GSK3B: variants seen among roughly 807,000 people sequenced by gnomAD.
GSK3B encodes glycogen synthase kinase 3 beta, also known as glycogen synthase kinase-3 beta.
Under a neutral mutation model 56.4 loss-of-function variants are expected in GSK3B, and 15 were observed. The observed-to-expected ratio is 0.27, with a 90% CI of 0.18 to 0.41. The LOEUF (loss-of-function observed/expected upper bound fraction) is 0.41. GSK3B is among the 10% of genes least tolerant of loss of function. The probability of loss-of-function intolerance (pLI) is 1.00; values close to 1 mark genes in which losing one functional copy is unlikely to be tolerated. For synonymous variants in GSK3B, 181 were observed against 188.9 expected (o/e 0.96, Z 0.34); for missense variants, 300 against 513.4 (o/e 0.58, Z 4.02).
At chr3:120,041,579 T>C (rs1163529704) in intron 1 of GSK3B, 1 of 160,664 alleles carries the variant, frequency 6.2e-6, no homozygotes, top group African/African-American at 2.4e-5. Flanking sequence ...TGTATGAGTA[T>C]GAGGCTACTC....
At chr3:119,956,131 G>C (rs115950158) in intron 2 of GSK3B, among the ~76,000 whole-genome samples, 5,506 of 152,280 alleles carry the variant, frequency 0.036, 116 homozygotes, top group Non-Finnish European at 0.055. Flanking sequence ...GTAAATAGAA[G>C]GAGGGAGGTG....
intron 4 of GSK3B, 132 bp downstream of exon 4, chr3:119,923,241 T>A (rs2056860662): frequency 2.0e-6 from 1 of 495,468 alleles, no homozygotes; most frequent in African/African-American, 2.0e-5. Flanking sequence ...TTAACAAAGT[T>A]CCAACAATAC....
chr3:119,896,058 G>A (rs547773797), intron 7 of GSK3B, among the ~76,000 whole-genome samples: 83 of 151,124 alleles, frequency 5.5e-4, no homozygotes, highest in Non-Finnish European at 6.0e-4. Flanking sequence ...AGCCAAGAAG[G>A]TGCAGGCTAC....
intron 2 of GSK3B, among the ~76,000 whole-genome samples, chr3:119,989,364 T>C (rs900583901): frequency 3.0e-4 from 45 of 152,176 alleles, no homozygotes; most frequent in African/African-American, 1.1e-3. Flanking sequence ...GAAATCTTGC[T>C]AGGTGAAGTA....
chr3:119,882,841 A>T (rs1210484626), intron 7 of GSK3B, among the ~76,000 whole-genome samples: 1 of 152,144 alleles, frequency 6.6e-6, no homozygotes, highest in Non-Finnish European at 1.5e-5. Context: ...CCCACTGGTT[A>T]AAAAAAGGTT....
chr3:120,090,036 T>C (rs1278714744), intron 1 of GSK3B, among the ~76,000 whole-genome samples: 2 of 152,046 alleles, frequency 1.3e-5, no homozygotes, highest in Non-Finnish European at 2.9e-5. Flanking sequence ...CTTAGATAAA[T>C]TTTGCATTTA....
intron 2 of GSK3B, among the ~76,000 whole-genome samples, chr3:119,978,814 G>A (rs2057433712): frequency 6.6e-6 from 1 of 152,158 alleles, no homozygotes; most frequent in African/African-American, 2.4e-5. Flanking sequence ...CAGTACCCAG[G>A]AAAAGTCAGG....
intron 1 of GSK3B, among the ~76,000 whole-genome samples, chr3:120,042,487 C>T (rs878933213): frequency 5.9e-5 from 9 of 152,098 alleles, no homozygotes; most frequent in Admixed American, 5.9e-4. Flanking sequence ...GAGATTATCC[C>T]TTGGGGAAAG....
chr3:119,894,731 T>G (rs1409130006), intron 7 of GSK3B, among the ~76,000 whole-genome samples: 2 of 152,146 alleles, frequency 1.3e-5, no homozygotes, highest in African/African-American at 4.8e-5. Context: ...AAAGCACAAG[T>G]TTTTAAATTT....
chr3:119,999,936 A>C (rs959357756), intron 2 of GSK3B, among the ~76,000 whole-genome samples: 4 of 152,240 alleles, frequency 2.6e-5, no homozygotes, highest in African/African-American at 9.6e-5. Context: ...TAGACTATGA[A>C]GAACCATAGA....
chr3:119,924,744 T>C (rs1340202688), intron 3 of GSK3B, among the ~76,000 whole-genome samples: 2 of 152,204 alleles, frequency 1.3e-5, no homozygotes, highest in African/African-American at 2.4e-5. Flanking sequence ...ACAACAGGAA[T>C]AGTCTGCTGC....
At chr3:119,861,067 G>C (rs1020512443) in intron 9 of GSK3B, among the ~76,000 whole-genome samples, 1 of 152,002 alleles carries the variant, frequency 6.6e-6, no homozygotes, top group Non-Finnish European at 1.5e-5. Flanking sequence ...TTTTATTCTG[G>C]TCATCCATTA....
At chr3:120,091,983 ACAT>A (rs1342504317) in intron 1 of GSK3B, among the ~76,000 whole-genome samples, 1 of 152,152 alleles carries the variant, frequency 6.6e-6, no homozygotes, top group African/African-American at 2.4e-5. Context: ...ATTTCACATA[ACAT>A]CATGTTTTGC....
intron 9 of GSK3B, among the ~76,000 whole-genome samples, chr3:119,851,923 T>C (rs2108020403): frequency 6.6e-6 from 1 of 152,350 alleles, no homozygotes; most frequent in Non-Finnish European, 1.5e-5. Context: ...TGATGTCCCT[T>C]GCTCTCACAC....
chr3:119,924,339 G>T (rs1048346527), intron 3 of GSK3B, among the ~76,000 whole-genome samples: 1 of 152,186 alleles, frequency 6.6e-6, no homozygotes, highest in African/African-American at 2.4e-5. Flanking sequence ...CATAGGCTTG[G>T]CTACTGAGTG....
intron 2 of GSK3B, among the ~76,000 whole-genome samples, chr3:119,958,142 C>T (rs906658140): frequency 6.6e-6 from 1 of 152,110 alleles, no homozygotes; most frequent in Non-Finnish European, 1.5e-5. Flanking sequence ...ATGTTAGTTT[C>T]TCCTGCACGA....
intron 1 of GSK3B, among the ~76,000 whole-genome samples, chr3:120,017,218 A>T: frequency 6.6e-6 from 1 of 152,344 alleles, no homozygotes; most frequent in South Asian, 2.1e-4. Context: ...AAACTAAAGA[A>T]GTAAATAATT....
intron 2 of GSK3B, among the ~76,000 whole-genome samples, chr3:119,948,681 G>T (rs1374763468): frequency 6.6e-6 from 1 of 152,070 alleles, no homozygotes; most frequent in Non-Finnish European, 1.5e-5. Context: ...ATTTCTGGAA[G>T]TATTTCTATA....
Position 120,093,664 on chromosome 3 carries a change from G to T in GSK3B, c.-230C>A, listed in dbSNP as rs1195279214. On this transcript the variant is annotated 5_prime_UTR_variant, in exon 1 of 11. Coordinates refer to ENST00000264235, the MANE Select transcript of GSK3B (RefSeq NM_001146156.2). Reference sequence around the variant, plus strand: ...CGGCACGGATATTTAACATATAGATGATTTAGGACTTGGGAAAAAATACAA... The same window carrying T: ...CGGCACGGATATTTAACATATAGATTATTTAGGACTTGGGAAAAAATACAA... The T allele has an allele frequency of 1.2e-5, 5 of 409,622 alleles. No homozygotes were observed. In the East Asian group the frequency reaches 1.7e-4, roughly 14 times the overall value. The allele number at this position is 409,622 out of a possible 1,614,324, so 25.4% of individuals were successfully genotyped here.
Sources: allele counts gnomAD v4.1 joint callset (sites outside exome capture counted in the v4.1 genomes callset), GRCh38; gene constraint gnomAD v4.1.1; transcripts MANE v1.5; gene names NCBI Gene and HGNC (gene_info 2026-07-23, HGNC 2026-07-21).